Variants in MAMSTR observed in about 807,000 individuals in gnomAD.
MAMSTR encodes the protein MEF2-activating motif and SAP domain-containing transcriptional regulator.
A neutral mutation model predicts 42.7 loss-of-function variants in MAMSTR; 41 were observed. The ratio of observed to expected loss-of-function variants is 0.96; its 90% CI spans 0.75 to 1.25. The LOEUF (loss-of-function observed/expected upper bound fraction) is 1.25. MAMSTR is among the 50% of genes most tolerant of loss of function. The pLI is 0.00. For missense variants in MAMSTR, 567 were observed against 557.6 expected (o/e 1.02, Z -0.17); for synonymous variants, 265 against 244.1 (o/e 1.09, Z -0.80).
At chr19:48,710,781 G>A (rs942308101), downstream of MAMSTR, among the ~76,000 whole-genome samples, 21 of 151,558 alleles carry the variant, frequency 1.4e-4, no homozygotes, top group Admixed American at 1.2e-3. Flanking sequence ...TGGAGACTGG[G>A]TTTCACCATA....
chr19:48,717,939 A>T (rs1217828214), intron 2 of MAMSTR, among the ~76,000 whole-genome samples: 1 of 152,034 alleles, frequency 6.6e-6, no homozygotes, highest in Non-Finnish European at 1.5e-5. Flanking sequence ...TCCTGAGCTC[A>T]GGCAATCCGC....
At chr19:48,714,618 A>T in intron 6 of MAMSTR, 58 bp from the exon 7 acceptor site, 1 of 1,423,356 alleles carries the variant, frequency 7.0e-7, no homozygotes, top group South Asian at 1.4e-5. Flanking sequence ...GGGCGCAGGC[A>T]GGAGCTGGAC....
At chr19:48,718,548 C>T (rs1208463262) in intron 2 of MAMSTR, among the ~76,000 whole-genome samples, 1 of 152,022 alleles carries the variant, frequency 6.6e-6, no homozygotes, top group African/African-American at 2.4e-5. Flanking sequence ...CCACCACACC[C>T]GGCTATACTT....
Position 48,713,348 on chromosome 19 carries a change from G to A in MAMSTR, c.1167C>T (p.Pro389=), listed in dbSNP as rs2032799162. 6.2e-7 allele frequency: 1 copy of A among 1,608,076 alleles called. No homozygotes were observed. The highest frequency in any genetic ancestry group is 8.5e-7 in the Non-Finnish European group (1 of 1,178,428). ...LSGGPPLGSG[P]PPPSIFSADL... ...CAGCGGAGAAGATGCTGGGGGGTGG[G>A]GGACCAGAACCCAGAGGAGGACCCC... Residue 389 remains proline, a synonymous_variant, in exon 10 of 10, where the codon CCC becomes CCT. Coordinates refer to ENST00000318083, the MANE Select transcript of MAMSTR (RefSeq NM_001130915.2).
Position 48,715,450 on chromosome 19 carries a change from A to T in MAMSTR, c.241-4T>A. On this transcript the variant is annotated splice_region_variant and splice_polypyrimidine_tract_variant and intron_variant, in intron 4 of 9. Coordinates refer to ENST00000318083, the MANE Select transcript of MAMSTR (RefSeq NM_001130915.2). The stretch of plus-strand genomic sequence containing the variant: ...GTTGGGAGATCTTGGGAGACTCCTG[A>T]AAGAGCAGGTGTGATGTTTTAGGCT... 6.7e-7 allele frequency: 1 copy of T among 1,486,612 alleles called. No individual in the cohort carries two copies. Among genetic ancestry groups the T allele is most frequent in the Non-Finnish European group, 8.9e-7 (1 of 1,122,982 alleles). The allele number at this position is 1,486,612 out of a possible 1,614,324, so 92.1% of individuals were successfully genotyped here.
chr19:48,715,383 G>T lies in MAMSTR; in HGVS notation c.304C>A (p.Gln102Lys). 1 of 1,528,850 alleles carries T rather than the reference G, an allele frequency of 6.5e-7. No homozygotes were observed. The highest frequency in any genetic ancestry group is 8.7e-7 in the Non-Finnish European group (1 of 1,145,076). 94.7% of individuals were successfully genotyped at this position (1,528,850 alleles called of 1,614,324 possible). A position where few individuals can be genotyped will look rare whatever the true frequency, so the allele number is the denominator to read the frequency against. Reference protein sequence around the residue: ...SKPRGNLTYHQYMPPEPRQGS... With the variant: ...SKPRGNLTYHKYMPPEPRQGS... ...TGTCTCGGCTCTGGGGGCATGTACTGGTGGTATGTCAAGTTCCCCCTGGGC... is the reference window on the plus strand; with the variant it reads ...TGTCTCGGCTCTGGGGGCATGTACTTGTGGTATGTCAAGTTCCCCCTGGGC... Residue 102 changes from glutamine (Q) to lysine (K), a missense_variant, in exon 5 of 10, where the codon CAG (glutamine) becomes AAG (lysine). By Grantham distance (53) the Gln-to-Lys change is moderately conservative. Coordinates refer to ENST00000318083, the MANE Select transcript of MAMSTR (RefSeq NM_001130915.2).
downstream of MAMSTR, among the ~76,000 whole-genome samples, chr19:48,710,838 C>T (rs891913070): frequency 8.5e-5 from 13 of 152,116 alleles, no homozygotes; most frequent in South Asian, 2.1e-4. Context: ...CCACCCGCCT[C>T]GGCCTCCCAA....
At position 48,719,070 on chromosome 19, in the gene MAMSTR, A is replaced by C; in HGVS notation, c.-21-18T>G. 1 of 1,540,904 alleles carries C rather than the reference A, an allele frequency of 6.5e-7. No individual in the cohort carries two copies. The highest frequency in any genetic ancestry group is 8.8e-7 in the Non-Finnish European group (1 of 1,138,744). On this transcript the variant is annotated intron_variant, in intron 1 of 9. Coordinates refer to ENST00000318083, the MANE Select transcript of MAMSTR (RefSeq NM_001130915.2). This position sits in a 1 kb window ranked among gnomAD's most constrained non-coding sequence, Gnocchi z 4.4. ...ATGGGGACCTGGACGGAGAGGGGGCAGGGCAGGGGCCCCATAGAGGGCTGG... is the reference window on the plus strand; with the variant it reads ...ATGGGGACCTGGACGGAGAGGGGGCCGGGCAGGGGCCCCATAGAGGGCTGG...
intron 5 of MAMSTR, 126 bp downstream of exon 5, chr19:48,715,136 T>C: frequency 1.2e-6 from 1 of 827,720 alleles, no homozygotes; most frequent in South Asian, 1.7e-5. Context: ...GATCCTGGAC[T>C]CTTAAACCCT....
chr19:48,717,288 T>C (rs1454999800), intron 2 of MAMSTR, among the ~76,000 whole-genome samples: 1 of 152,088 alleles, frequency 6.6e-6, no homozygotes, highest in Admixed American at 6.6e-5. Context: ...GCATCCATGT[T>C]AACACTGTTT....
Position 48,713,384 on chromosome 19 carries a change from CTCCAGCCAG to C in MAMSTR, c.1122_1130del (p.Asp374_Leu376del). The C allele has an allele frequency of 1.2e-6, 2 of 1,612,504 alleles. No homozygotes were observed. Among genetic ancestry groups the C allele is most frequent in the Non-Finnish European group, 1.7e-6 (2 of 1,179,566 alleles). On this transcript the variant is annotated inframe_deletion, in exon 10 of 10. Transcript: ENST00000318083. Reference sequence around the variant, plus strand: ...CCAGAGGAGGACCCCCGCTCAGGGCCTCCAGCCAGTCCAGGGAGTCCGTGGGGTCCCTGG... The same window carrying C: ...CCAGAGGAGGACCCCCGCTCAGGGCCTCCAGGGAGTCCGTGGGGTCCCTGG...
In MAMSTR at chr19:48,713,757, C is replaced by T. The variant is rs1441696440; in HGVS notation, c.923G>A (p.Arg308Gln). ...AIRRAQLLPN[R>Q]GIDDILEDQV... ...ATCCTCCAGGATGTCATCGATGCCC[C>T]GGTTAGGAAGCAACTGCGGATGGAG... is the stretch of plus-strand genomic sequence containing the variant. Residue 308 changes from arginine to glutamine, a missense_variant, in exon 9 of 10, where the codon CGG becomes CAG. Coordinates refer to ENST00000318083, the MANE Select transcript of MAMSTR (RefSeq NM_001130915.2). 6.2e-7 allele frequency: 1 copy of T among 1,614,214 alleles called. No individual in the cohort carries two copies. Among genetic ancestry groups the T allele is most frequent in the Admixed American group, 1.7e-5 (1 of 60,020 alleles).
At chr19:48,715,025 C>A in intron 5 of MAMSTR, 117 bp from the exon 6 acceptor site, 1 of 749,682 alleles carries the variant, frequency 1.3e-6, no homozygotes, top group South Asian at 1.8e-5. Context: ...GTCCAGAATT[C>A]TGGGTCTCCA....
At chr19:48,708,455 A>C (rs890429800), downstream of MAMSTR, among the ~76,000 whole-genome samples, 1 of 152,168 alleles carries the variant, frequency 6.6e-6, no homozygotes, top group Admixed American at 6.5e-5. Flanking sequence ...AGAGGAAAGA[A>C]GGAAGGTGCT....
rs558496345 is a variant in MAMSTR at position 48,714,614 on chromosome 19, A to T, written c.529-54T>A. On this transcript the variant is annotated intron_variant, in intron 6 of 9. Coordinates refer to ENST00000318083, the MANE Select transcript of MAMSTR (RefSeq NM_001130915.2). ...CAGTGCTGGGCGGGCTCCCGGGCGC[A>T]GGCAGGAGCTGGACAGGATATTTGG... 2.8e-6 allele frequency: 4 copies of T among 1,427,982 alleles called. No homozygotes were observed. In the East Asian group the frequency reaches 7.2e-5, roughly 26 times the overall value. The allele number at this position is 1,427,982 out of a possible 1,614,324, so 88.5% of individuals were successfully genotyped here.
At chr19:48,718,870 C>G in intron 2 of MAMSTR, 104 bp downstream of exon 2, 3 of 1,202,070 alleles carry the variant, frequency 2.5e-6, no homozygotes, top group Non-Finnish European at 3.6e-6. Context: ...ACCTTTTGCA[C>G]AAAAAACACA....
chr19:48,714,154 A>T, intron 7 of MAMSTR, 109 bp from the exon 8 acceptor site: 1 of 1,263,020 alleles, frequency 7.9e-7, no homozygotes, highest in Non-Finnish European at 1.1e-6. Context: ...CCCCTCGCTC[A>T]TCAACCCCTT....
chr19:48,715,396 GT>G lies in MAMSTR; in HGVS notation c.290del (p.Asn97ThrfsTer2). On this transcript the variant is annotated frameshift_variant, in exon 5 of 10. Coordinates refer to ENST00000318083, the MANE Select transcript of MAMSTR (RefSeq NM_001130915.2). LOFTEE classifies it high-confidence loss of function. Reference sequence around the variant, plus strand: ...GGGGCATGTACTGGTGGTATGTCAAGTTCCCCCTGGGCTTGGACTCCCTCCA... The same window carrying G: ...GGGGCATGTACTGGTGGTATGTCAAGTCCCCCTGGGCTTGGACTCCCTCCA... ...QRWRESKPRG[N>X]LTYHQYMPPE... 1 of 1,520,616 alleles carries G rather than the reference GT, an allele frequency of 6.6e-7. No homozygotes were observed. Among genetic ancestry groups the G allele is most frequent in the Non-Finnish European group, 8.8e-7 (1 of 1,140,724 alleles). The allele number at this position is 1,520,616 out of a possible 1,614,324, so 94.2% of individuals were successfully genotyped here.
chr19:48,707,901 A>AAAGAAAGAAAAGAAAGAAAGGAAGG (rs1555755230), downstream of MAMSTR, among the ~76,000 whole-genome samples: 119 of 128,516 alleles, frequency 9.3e-4, no homozygotes, highest in African/African-American at 1.2e-3. Context: ...AGAAAGAAAG[A>AAAGAAAGAAAAGAAAGAAAGGAAGG]AAGGAAGAAA....
Sources: allele counts gnomAD v4.1 joint callset (sites outside exome capture counted in the v4.1 genomes callset), GRCh38; gene constraint gnomAD v4.1.1; non-coding constraint Gnocchi (gnomAD v3.1); transcripts MANE v1.5; gene names NCBI Gene and HGNC (gene_info 2026-07-23, HGNC 2026-07-21).